Variants in ZFHX3 observed in about 807,000 individuals in gnomAD.
ZFHX3 encodes zinc finger homeobox protein 3.
In ZFHX3, 42 loss-of-function variants were observed where a neutral mutation model predicts 279.1. The observed-to-expected ratio is 0.15, with a 90% CI of 0.12 to 0.19. The LOEUF is 0.19. ZFHX3 is among the 10% of genes least tolerant of loss of function. The pLI, the probability that ZFHX3 is intolerant of heterozygous loss-of-function variation, is 1.00. For missense variants in ZFHX3, 4,981 were observed against 4,754.0 expected (o/e 1.05, Z -1.40); for synonymous variants, 2,293 against 1,957.8 (o/e 1.17, Z -4.52).
At position 73,484,664 on chromosome 16, in the gene ZFHX3, C is replaced by T. The variant is rs184235594; in HGVS notation, c.-1546-28406G>A. ...GCATACCCATGTGAGGAGTAAAGGA[C>T]CAATACTTCCCAAAGCATTCTCTCC... is the stretch of plus-strand genomic sequence containing the variant. On this transcript the variant is annotated intron_variant, in intron 2 of 17. Coordinates refer to the ZFHX3 transcript ENST00000641206. 2.0e-5 allele frequency among the ~76,000 whole-genome samples: 3 copies of T among 152,260 alleles called. No individual in the cohort carries two copies. In the East Asian group the frequency reaches 5.8e-4, roughly 29 times the overall value.
intron 1 of ZFHX3, among the ~76,000 whole-genome samples, chr16:73,754,851 C>A (rs1352000946): frequency 6.6e-6 from 1 of 152,150 alleles, no homozygotes; most frequent in African/African-American, 2.4e-5. Flanking sequence ...GCCTATAGCT[C>A]TGCATTTCTG....
At position 73,890,167 on chromosome 16, in the gene ZFHX3, T is replaced by C. The variant is rs539414631; in HGVS notation, c.-1608+1484A>G. ...TTGACTTCTAAAATAAATAAATCTA[T>C]GACATCTAAAAACCTTTGTACTTCG... On this transcript the variant is annotated intron_variant, in intron 1 of 17. Transcript: ENST00000641206. Among the ~76,000 whole-genome samples, 35 of 151,072 alleles carry C rather than the reference T, an allele frequency of 2.3e-4. No individual in the cohort carries two copies. In the South Asian group the frequency reaches 6.9e-3, roughly 30 times the overall value.
chr16:73,578,507 A>G lies in ZFHX3; in HGVS notation c.-1547+101673T>C, dbSNP rs1043638226. On this transcript the variant is annotated intron_variant, in intron 2 of 17. Coordinates refer to the ZFHX3 transcript ENST00000641206. ...CTTTAAAATGCTAAGAGGCTTTATG[A>G]TTCTGAAAGAGGAGAATATAATATG... Among the ~76,000 whole-genome samples, 12 of 152,278 alleles carry G rather than the reference A, an allele frequency of 7.9e-5. No homozygotes were observed. The East Asian group carries it at 2.3e-3, about 29-fold the overall frequency.
chr16:73,546,674 C>CTGCTGCTGCTGT (rs2020114763), intron 2 of ZFHX3, among the ~76,000 whole-genome samples: 3 of 3,598 alleles, frequency 8.3e-4, no homozygotes, highest in Non-Finnish European at 1.3e-3. Flanking sequence ...GCTGCTGTTG[C>CTGCTGCTGCTGT]TGCTGCTGCT....
chr16:72,901,582 T>G (rs1181347994), intron 3 of ZFHX3, among the ~76,000 whole-genome samples: 1 of 152,148 alleles, frequency 6.6e-6, no homozygotes, highest in South Asian at 2.1e-4. Context: ...TCCCTCTAAA[T>G]CAACACTTCT....
intron 2 of ZFHX3, among the ~76,000 whole-genome samples, chr16:73,529,735 C>A (rs1176989286): frequency 6.6e-6 from 1 of 152,164 alleles, no homozygotes; most frequent in Non-Finnish European, 1.5e-5. Context: ...TGGAAAATGA[C>A]GTTCACCCTC....
chr16:73,350,645 G>C (rs889584966), intron 3 of ZFHX3, among the ~76,000 whole-genome samples: 2 of 152,190 alleles, frequency 1.3e-5, no homozygotes, highest in African/African-American at 4.8e-5. Flanking sequence ...TCTCATATAG[G>C]CTTATGTTTC....
chr16:72,829,736 C>A (rs771267634), intron 5 of ZFHX3, 43 bp downstream of exon 5: 12 of 1,603,954 alleles, frequency 7.5e-6, no homozygotes, highest in Non-Finnish European at 9.4e-6. Context: ...GGCTCAAGGA[C>A]AGCCACACAC....
chr16:73,593,586 G>A (rs1295063941), intron 2 of ZFHX3, among the ~76,000 whole-genome samples: 2 of 150,278 alleles, frequency 1.3e-5, no homozygotes, highest in Non-Finnish European at 3.0e-5. Flanking sequence ...GAAGGAGGGA[G>A]GGAGGGAGGG....
At position 72,797,129 on chromosome 16, in the gene ZFHX3, C is replaced by T. The variant is rs147075895; in HGVS notation, c.5553G>A (p.Pro1851=). Residue 1851 remains proline, a synonymous_variant, in exon 9 of 10, where the codon CCG becomes CCA. Coordinates refer to ENST00000268489, the MANE Select transcript of ZFHX3 (RefSeq NM_006885.4). Reference sequence around the variant, plus strand: ...TAGAGAGTTGGTTCTGCTGCTGCTGCGGCAAGATCTGCTGATGGCTCTGCT... The same window carrying T: ...TAGAGAGTTGGTTCTGCTGCTGCTGTGGCAAGATCTGCTGATGGCTCTGCT... ...VPQQSHQQIL[P]QQQQNQLSIA... is the part of the protein sequence containing the mutation. 5.8e-5 allele frequency: 94 copies of T among 1,613,662 alleles called. 1 individual carries two copies. In the African/African-American group the frequency reaches 5.9e-4, roughly 10 times the overall value.
chr16:72,940,464 C>G (rs1047858923), intron 3 of ZFHX3, among the ~76,000 whole-genome samples: 3 of 152,262 alleles, frequency 2.0e-5, no homozygotes, highest in African/African-American at 4.8e-5. Flanking sequence ...GCCTTCCACC[C>G]AGAACCCAGA....
At chr16:73,166,379 C>G (rs1439108176) in intron 5 of ZFHX3, among the ~76,000 whole-genome samples, 3 of 152,114 alleles carry the variant, frequency 2.0e-5, no homozygotes, top group East Asian at 1.9e-4. Context: ...AAGCTGGGAA[C>G]AGTTGCAATG....
intron 1 of ZFHX3, among the ~76,000 whole-genome samples, chr16:73,883,330 C>A (rs1429388857): frequency 5.3e-5 from 8 of 152,030 alleles, no homozygotes; most frequent in Admixed American, 5.2e-4. Context: ...CCTATGTTCT[C>A]TGTGTATTCT....
chr16:72,958,548 G>A lies in ZFHX3; in HGVS notation c.1598C>T (p.Ser533Phe), dbSNP rs772706179. 9.3e-6 allele frequency: 15 copies of A among 1,614,026 alleles called. No individual in the cohort carries two copies. The highest frequency in any genetic ancestry group is 6.6e-5 in the South Asian group (6 of 91,078). Residue 533 changes from serine to phenylalanine, a missense_variant, in exon 2 of 10, where the codon TCC (serine) becomes TTC (phenylalanine). This residue lies in a region of ZFHX3 where 1,068 missense variants were observed against 935.2 expected (regional missense o/e 1.14). Transcript: ENST00000268489. ...LALSNQSISN[S>F]PLMPNVLQTL... ...CTGGAGCACGTTAGGCATTAAGGGG[G>A]AGTTAGAAATGCTTTGGTTTGAGAG... is the stretch of plus-strand genomic sequence containing the variant.
chr16:73,580,429 G>A (rs986691693), intron 2 of ZFHX3, among the ~76,000 whole-genome samples: 2 of 151,730 alleles, frequency 1.3e-5, no homozygotes, highest in Non-Finnish European at 2.9e-5. Flanking sequence ...AGTGAGCCAA[G>A]ATCGTGCCAC....
At chr16:73,567,444 C>T (rs200378380) in intron 2 of ZFHX3, among the ~76,000 whole-genome samples, 1 of 152,216 alleles carries the variant, frequency 6.6e-6, no homozygotes, top group Admixed American at 6.5e-5. Flanking sequence ...CCCAGAAGAG[C>T]TCCTCATCTC....
intron 4 of ZFHX3, among the ~76,000 whole-genome samples, chr16:72,886,859 G>A (rs1446345512): frequency 2.0e-5 from 3 of 152,190 alleles, no homozygotes; most frequent in Non-Finnish European, 2.9e-5. Context: ...GCCCATCCTC[G>A]TCCCTTACTC....
intron 1 of ZFHX3, among the ~76,000 whole-genome samples, chr16:73,696,435 G>A (rs1029412705): frequency 6.6e-6 from 1 of 152,188 alleles, no homozygotes; most frequent in Non-Finnish European, 1.5e-5. Context: ...TGTGTAGACT[G>A]TTGGGATAAC....
chr16:72,916,589 T>C (rs1024064326), intron 3 of ZFHX3, among the ~76,000 whole-genome samples: 2 of 152,210 alleles, frequency 1.3e-5, no homozygotes, highest in African/African-American at 2.4e-5. Flanking sequence ...AGGATTATTA[T>C]ATTTTAATAC....
Sources: gnomAD v4.1 joint callset for allele counts (sites outside exome capture counted in the v4.1 genomes callset) on GRCh38, gnomAD v4.1.1 for gene constraint, gnomAD v4.1.1 regional missense constraint, MANE v1.5 for transcripts, NCBI Gene and HGNC (gene_info 2026-07-23, HGNC 2026-07-21) for gene names.